Variants in PSTPIP1 observed in about 807,000 individuals in gnomAD.
PSTPIP1 encodes proline-serine-threonine phosphatase-interacting protein 1.
In PSTPIP1, 66 loss-of-function variants were observed where a neutral mutation model predicts 69.6. The ratio of observed to expected loss-of-function variants is 0.95; its 90% CI spans 0.78 to 1.16. PSTPIP1 has a LOEUF of 1.16. Ranked by LOEUF, PSTPIP1 falls within the 50% of genes most tolerant of loss-of-function variation. The probability of loss-of-function intolerance (pLI) is 0.00; values close to 1 mark genes in which losing one functional copy is unlikely to be tolerated. For missense variants in PSTPIP1, 603 were observed against 557.4 expected (o/e 1.08, Z -0.82); for synonymous variants, 266 against 222.7 (o/e 1.19, Z -1.73).
chr15:77,023,091 A>G (rs35134156), intron 3 of PSTPIP1, among the ~76,000 whole-genome samples: 57,595 of 152,132 alleles, frequency 0.38, 11,481 homozygotes, highest in Middle Eastern at 0.53. Flanking sequence ...AGCTCCCAGA[A>G]CCTGCGATTC....
chr15:77,003,057 C>T (rs2075743200), intron 1 of PSTPIP1, among the ~76,000 whole-genome samples: 1 of 152,268 alleles, frequency 6.6e-6, no homozygotes, highest in Admixed American at 6.5e-5. Context: ...AGGGAAGGCA[C>T]GAGCTGGATT....
chr15:77,023,785 TG>T (rs1164888547), intron 3 of PSTPIP1: 1 of 152,130 alleles, frequency 6.6e-6, no homozygotes, highest in Non-Finnish European at 1.5e-5. Context: ...TGGAGGGTGG[TG>T]TGCGTAAGGG....
chr15:77,000,344 C>T (rs1356059686), intron 1 of PSTPIP1, among the ~76,000 whole-genome samples: 14 of 152,086 alleles, frequency 9.2e-5, no homozygotes, highest in Admixed American at 8.5e-4. Flanking sequence ...GGGCCCTACT[C>T]TGATCTGTCA....
intron 1 of PSTPIP1, among the ~76,000 whole-genome samples, chr15:77,013,596 C>T (rs1332582451): frequency 2.0e-5 from 3 of 152,204 alleles, no homozygotes; most frequent in Non-Finnish European, 4.4e-5. Flanking sequence ...CTTCCACTTC[C>T]AACCTCTCCC....
At chr15:77,028,726 A>AC in intron 7 of PSTPIP1, 74 bp downstream of exon 7, 6 of 1,241,600 alleles carry the variant, frequency 4.8e-6, no homozygotes, top group Non-Finnish European at 4.4e-6. Context: ...GGGGTGCCGT[A>AC]GACACCCCCA....
At chr15:77,033,619 T>G (rs543749761) in intron 12 of PSTPIP1, among the ~76,000 whole-genome samples, 1 of 152,180 alleles carries the variant, frequency 6.6e-6, no homozygotes, top group East Asian at 1.9e-4. Context: ...ATGGTGCCTG[T>G]GCCCCCACCG....
At chr15:77,001,064 G>A (rs532755399) in intron 1 of PSTPIP1, among the ~76,000 whole-genome samples, 2 of 152,136 alleles carry the variant, frequency 1.3e-5, no homozygotes, top group Non-Finnish European at 2.9e-5. Flanking sequence ...GTTCATGGCT[G>A]CACAGTTCTC....
Position 77,037,399 on chromosome 15 carries a change from G to C in PSTPIP1, c.*223G>C. ...GTGTCCGAGTGCTCAGTTCAGAGGAGGCAAAGGAACAAGGGAAGGAGCCTG... is the reference window on the plus strand; with the variant it reads ...GTGTCCGAGTGCTCAGTTCAGAGGACGCAAAGGAACAAGGGAAGGAGCCTG... On this transcript the variant is annotated 3_prime_UTR_variant, in exon 15 of 15. Coordinates refer to ENST00000558012, the MANE Select transcript of PSTPIP1 (RefSeq NM_003978.5). 1 of 494,908 alleles carries C rather than the reference G, an allele frequency of 2.0e-6. No homozygotes were observed. The highest frequency in any genetic ancestry group is 3.4e-6 in the Non-Finnish European group (1 of 290,820). The allele number at this position is 494,908 out of a possible 1,614,324, so 30.7% of individuals were successfully genotyped here.
intron 3 of PSTPIP1, among the ~76,000 whole-genome samples, chr15:77,021,571 C>T (rs2076162785): frequency 1.3e-5 from 2 of 152,142 alleles, no homozygotes; most frequent in African/African-American, 4.8e-5. Flanking sequence ...CCCAGCTACT[C>T]AGGAGGCTGA....
chr15:77,026,686 C>T (rs921783266), intron 5 of PSTPIP1, among the ~76,000 whole-genome samples: 9 of 152,268 alleles, frequency 5.9e-5, no homozygotes, highest in Middle Eastern at 3.2e-3. Context: ...ACCTGCCCAT[C>T]TGCCAGCTGG....
chr15:76,998,479 C>A (rs992000809), intron 1 of PSTPIP1, among the ~76,000 whole-genome samples: 1 of 152,228 alleles, frequency 6.6e-6, no homozygotes, highest in Admixed American at 6.5e-5. Context: ...AGCTTTTACT[C>A]AGGTCCTATG....
chr15:76,999,107 G>A (rs1034540998), intron 1 of PSTPIP1, among the ~76,000 whole-genome samples: 3 of 152,122 alleles, frequency 2.0e-5, no homozygotes, highest in Admixed American at 1.3e-4. Context: ...CCAGTTTGTC[G>A]TGGCTCCACT....
intron 6 of PSTPIP1, 127 bp downstream of exon 6, chr15:77,028,041 C>T (rs2076324333): frequency 2.2e-6 from 2 of 929,300 alleles, no homozygotes; most frequent in Non-Finnish European, 3.3e-6. Flanking sequence ...GTCCTCGGAC[C>T]TCGGCCTTGG....
rs2075551329 is a variant in PSTPIP1 at position 76,995,309 on chromosome 15, A to G, written c.-265A>G. 1 of 1,378,038 alleles carries G rather than the reference A, an allele frequency of 7.3e-7. No individual in the cohort carries two copies. Among genetic ancestry groups the G allele is most frequent in the African/African-American group, 1.5e-5 (1 of 68,408 alleles). 85.4% of individuals were successfully genotyped at this position (1,378,038 alleles called of 1,614,324 possible). On this transcript the variant is annotated 5_prime_UTR_variant, in exon 1 of 15. Coordinates refer to ENST00000558012, the MANE Select transcript of PSTPIP1 (RefSeq NM_003978.5). ...TCGGTGAGGGGCTGGGCTGGACACCAGGGCCCGCCCTCCCATCACTGAGCT... is the reference window on the plus strand; with the variant it reads ...TCGGTGAGGGGCTGGGCTGGACACCGGGGCCCGCCCTCCCATCACTGAGCT...
intron 1 of PSTPIP1, among the ~76,000 whole-genome samples, chr15:77,007,099 T>C (rs780602931): frequency 4.6e-5 from 7 of 152,078 alleles, no homozygotes; most frequent in Non-Finnish European, 1.0e-4. Flanking sequence ...GCCCCTGGGT[T>C]GTGGGCTCCT....
chr15:77,008,066 G>T, intron 1 of PSTPIP1: 1 of 456,488 alleles, frequency 2.2e-6, no homozygotes, highest in Non-Finnish European at 4.4e-6. Context: ...GATGGTTCAG[G>T]CAAGCAGAGC....
rs114792045 is a variant in PSTPIP1 at position 77,008,142 on chromosome 15, C to T, written c.37-10006C>T. ...AGTGTCCCTGGAGCTGCAGTGAATACTAAACGCAGCCAGGTGTGAGGTCTG... is the reference window on the plus strand; with the variant it reads ...AGTGTCCCTGGAGCTGCAGTGAATATTAAACGCAGCCAGGTGTGAGGTCTG... On this transcript the variant is annotated intron_variant, in intron 1 of 14. Transcript: ENST00000558012. The T allele has an allele frequency of 6.5e-4, 290 of 446,226 alleles. 1 individual carries two copies. The highest frequency in any genetic ancestry group is 5.4e-3 in the African/African-American group (270 of 50,048). The allele number at this position is 446,226 out of a possible 1,614,324, so 27.6% of individuals were successfully genotyped here. A position where few individuals can be genotyped will look rare whatever the true frequency, so the allele number is the denominator to read the frequency against.
chr15:76,997,670 T>A (rs2075610473), intron 1 of PSTPIP1, among the ~76,000 whole-genome samples: 1 of 152,222 alleles, frequency 6.6e-6, no homozygotes, highest in Non-Finnish European at 1.5e-5. Context: ...TCTGTCTATC[T>A]GACATATCAC....
Position 77,030,584 on chromosome 15 carries a change from G to A in PSTPIP1, c.642+3G>A, listed in dbSNP as rs765423624. 9 of 1,594,494 alleles carry A rather than the reference G, an allele frequency of 5.6e-6. No individual in the cohort carries two copies. The African/African-American group carries it at 9.4e-5, about 17-fold the overall frequency. Reference sequence around the variant, plus strand: ...AGGAGCACCGGACCACCTGTGAGGTGAGTGGCCCACGTGGAGCCTCGTTTT... The same window carrying A: ...AGGAGCACCGGACCACCTGTGAGGTAAGTGGCCCACGTGGAGCCTCGTTTT... On this transcript the variant is annotated splice_donor_region_variant and intron_variant, in intron 9 of 14. Coordinates refer to ENST00000558012, the MANE Select transcript of PSTPIP1 (RefSeq NM_003978.5).
Sources: allele counts gnomAD v4.1 joint callset (sites outside exome capture counted in the v4.1 genomes callset), GRCh38; gene constraint gnomAD v4.1.1; transcripts MANE v1.5; gene names NCBI Gene and HGNC (gene_info 2026-07-23, HGNC 2026-07-21).